MICU3: variants seen among roughly 807,000 people sequenced by gnomAD.
MICU3 encodes the protein calcium uptake protein 3, mitochondrial.
A neutral mutation model predicts 66.5 loss-of-function variants in MICU3; 62 were observed. That is an observed-to-expected ratio of 0.93 (90% CI 0.76 to 1.15). The LOEUF (loss-of-function observed/expected upper bound fraction) is 1.15, where lower values mean the gene tolerates loss of function less well. MICU3 is among the 50% of genes most tolerant of loss of function. The pLI, the probability that MICU3 is intolerant of heterozygous loss-of-function variation, is 0.00. For synonymous variants in MICU3, 308 were observed against 240.7 expected, an observed-to-expected ratio of 1.28 and a Z score of -2.59; for missense variants, 779 against 664.4, an observed-to-expected ratio of 1.17 and a Z score of -1.90.
intron 6 of MICU3, 31 bp from the exon 7 acceptor site, chr8:17,086,933 A>T: frequency 6.8e-7 from 1 of 1,461,946 alleles, no homozygotes; most frequent in Non-Finnish European, 9.6e-7. Flanking sequence ...CTCTTGTTGG[A>T]TATTTGATTC....
intron 1 of MICU3, among the ~76,000 whole-genome samples, chr8:17,035,688 A>G (rs1812853837): frequency 6.6e-6 from 1 of 152,198 alleles, no homozygotes; most frequent in Non-Finnish European, 1.5e-5. Flanking sequence ...TGTTAAAGGC[A>G]TTCAGTTTTA....
chr8:17,087,645 T>C (rs1267745288), intron 7 of MICU3, among the ~76,000 whole-genome samples: 1 of 152,062 alleles, frequency 6.6e-6, no homozygotes, highest in African/African-American at 2.4e-5. Context: ...AAACGGACAC[T>C]ATACTAGGTG....
intron 1 of MICU3, among the ~76,000 whole-genome samples, chr8:17,048,734 G>C (rs1009961574): frequency 6.6e-6 from 1 of 152,014 alleles, no homozygotes; most frequent in African/African-American, 2.4e-5. Context: ...TCTTGCCTCC[G>C]CTTCCTGAGT....
intron 2 of MICU3, among the ~76,000 whole-genome samples, chr8:17,069,409 A>G (rs936902056): frequency 6.6e-6 from 1 of 152,120 alleles, no homozygotes; most frequent in Admixed American, 6.6e-5. Context: ...AAGTTAGCTT[A>G]CTTTATTAGT....
intron 1 of MICU3, among the ~76,000 whole-genome samples, chr8:17,032,120 C>G (rs1487142005): frequency 6.6e-6 from 1 of 152,212 alleles, no homozygotes; most frequent in African/African-American, 2.4e-5. Flanking sequence ...TTTTGTTCAG[C>G]TAAAGCAGTT....
chr8:17,032,024 C>G (rs1283212007), intron 1 of MICU3, among the ~76,000 whole-genome samples: 1 of 152,180 alleles, frequency 6.6e-6, no homozygotes, highest in Non-Finnish European at 1.5e-5. Flanking sequence ...AGGGTCCTAG[C>G]CTGATAGGCA....
At chr8:17,083,020 G>A (rs1317455887) in intron 5 of MICU3, among the ~76,000 whole-genome samples, 1 of 152,146 alleles carries the variant, frequency 6.6e-6, no homozygotes, top group African/African-American at 2.4e-5. Context: ...GGCTGTACAG[G>A]AGACTGGAGT....
intron 7 of MICU3, among the ~76,000 whole-genome samples, chr8:17,089,779 C>A (rs927092767): frequency 6.6e-6 from 1 of 151,912 alleles, no homozygotes; most frequent in African/African-American, 2.4e-5. Context: ...AGCTACTTAA[C>A]CATGTGAAAT....
chr8:17,059,333 G>A (rs1255167889), intron 1 of MICU3, among the ~76,000 whole-genome samples: 1 of 152,172 alleles, frequency 6.6e-6, no homozygotes, highest in Non-Finnish European at 1.5e-5. Context: ...AGAGAACAAA[G>A]TAGACCAGGT....
chr8:17,136,134 A>G, the MICU3 span, among the ~76,000 whole-genome samples: 6 of 152,094 alleles, frequency 3.9e-5, no homozygotes, highest in Admixed American at 6.6e-5. Context: ...AGCTAGTATC[A>G]TCATCATGGT....
At chr8:17,069,611 T>C (rs1819241193) in intron 2 of MICU3, 77 bp from the exon 3 acceptor site, 6 of 905,624 alleles carry the variant, frequency 6.6e-6, no homozygotes, top group Non-Finnish European at 1.7e-6. Context: ...GAGTTATGGT[T>C]GTAGATGGTT....
At chr8:17,061,682 C>G (rs577127817) in intron 1 of MICU3, among the ~76,000 whole-genome samples, 1 of 152,216 alleles carries the variant, frequency 6.6e-6, no homozygotes, top group East Asian at 1.9e-4. Context: ...TTGATGTCAC[C>G]TAGGCCCAGG....
intron 1 of MICU3, among the ~76,000 whole-genome samples, chr8:17,041,549 C>T (rs1585191590): frequency 6.6e-6 from 1 of 150,530 alleles, no homozygotes; most frequent in Non-Finnish European, 1.5e-5. Flanking sequence ...AAGAATTTGT[C>T]TCTGAAGAAG....
intron 1 of MICU3, among the ~76,000 whole-genome samples, chr8:17,046,376 G>A (rs1342937426): frequency 6.6e-6 from 1 of 152,170 alleles, no homozygotes; most frequent in Admixed American, 6.5e-5. Context: ...TGTGATGATT[G>A]TTGTGTTGGT....
chr8:17,075,670 G>T (rs1820278440), intron 3 of MICU3, among the ~76,000 whole-genome samples: 2 of 152,302 alleles, frequency 1.3e-5, no homozygotes, highest in South Asian at 2.1e-4. Flanking sequence ...GGAGAAACTA[G>T]ATTATTACTA....
rs1238626915 is a variant in MICU3 at position 17,121,315 on chromosome 8, C to T, written c.*1028C>T. 6.6e-6 allele frequency: 1 copy of T among 151,300 alleles called. No homozygotes were observed. Among genetic ancestry groups the T allele is most frequent in the African/African-American group, 2.4e-5 (1 of 41,262 alleles). The allele number at this position is 151,300 out of a possible 1,614,324, so 9.4% of individuals were successfully genotyped here. ...CACTTGAAAAGTGATGCTAAACAGC[C>T]AGTAATAATAATTTAAATATAATTT... is the stretch of plus-strand genomic sequence containing the variant. On this transcript the variant is annotated 3_prime_UTR_variant, in exon 15 of 15. Coordinates refer to ENST00000318063, the MANE Select transcript of MICU3 (RefSeq NM_181723.3).
chr8:17,100,596 T>C (rs892995093), intron 9 of MICU3, among the ~76,000 whole-genome samples: 4 of 151,690 alleles, frequency 2.6e-5, no homozygotes, highest in Admixed American at 2.6e-4. Context: ...CTATTTGTTA[T>C]ATGTATTTCT....
chr8:17,062,977 T>G (rs1818087705), intron 1 of MICU3, among the ~76,000 whole-genome samples: 2 of 152,166 alleles, frequency 1.3e-5, no homozygotes, highest in South Asian at 4.1e-4. Flanking sequence ...AGCAAAAGAT[T>G]AGAAGTCAAC....
chr8:17,123,948 T>C (rs1260621121), downstream of MICU3, among the ~76,000 whole-genome samples: 7 of 139,626 alleles, frequency 5.0e-5, no homozygotes. Flanking sequence ...CTAAAGTCTT[T>C]AAAAAAAAAA....
Sources: gnomAD v4.1 joint callset for allele counts (sites outside exome capture counted in the v4.1 genomes callset) on GRCh38, gnomAD v4.1.1 for gene constraint, MANE v1.5 for transcripts, NCBI Gene and HGNC (gene_info 2026-07-23, HGNC 2026-07-21) for gene names.